Variants in PGM5 observed in about 807,000 individuals in gnomAD.
The protein encoded by PGM5 is phosphoglucomutase 5, also known as phosphoglucomutase-like protein 5.
Under a neutral mutation model 59.2 loss-of-function variants are expected in PGM5, and 23 were observed. The observed-to-expected ratio is 0.39, with a 90% confidence interval of 0.28 to 0.55. PGM5 has a LOEUF of 0.55. Among genes scored for constraint, PGM5 ranks in the 20% least tolerant of loss-of-function variants. The pLI is 0.66. For synonymous variants in PGM5, 214 were observed against 286.0 expected (o/e 0.75, Z 2.54); for missense variants, 574 against 748.3 (o/e 0.77, Z 2.72).
intron 10 of PGM5, among the ~76,000 whole-genome samples, chr9:68,520,004 T>C (rs983046832): frequency 3.3e-5 from 5 of 150,762 alleles, no homozygotes; most frequent in African/African-American, 1.2e-4. Flanking sequence ...GTGAGAGGAT[T>C]GCTCAAGCCT....
chr9:68,502,373 TC>T (rs1554688723), intron 10 of PGM5, among the ~76,000 whole-genome samples: 1 of 152,246 alleles, frequency 6.6e-6, no homozygotes, highest in African/African-American at 2.4e-5. Flanking sequence ...TACAATTGTT[TC>T]CGTTTTCTTT....
chr9:68,503,604 C>G (rs1258539845), intron 10 of PGM5, among the ~76,000 whole-genome samples: 5 of 152,192 alleles, frequency 3.3e-5, no homozygotes, highest in Non-Finnish European at 5.9e-5. Flanking sequence ...AACCAGGAGA[C>G]ATGATTACTC....
intron 6 of PGM5, among the ~76,000 whole-genome samples, chr9:68,458,945 C>A (rs1267170504): frequency 6.6e-6 from 1 of 152,188 alleles, no homozygotes; most frequent in East Asian, 1.9e-4. Flanking sequence ...TCATATAAGC[C>A]TTTTACCATA....
At chr9:68,511,063 G>T (rs1253244151) in intron 10 of PGM5, among the ~76,000 whole-genome samples, 6 of 152,214 alleles carry the variant, frequency 3.9e-5, no homozygotes, top group African/African-American at 1.4e-4. Context: ...TCTCTTATTA[G>T]ACCTCAAAAG....
chr9:68,399,414 T>A (rs1822607302), intron 6 of PGM5: 1 of 152,218 alleles, frequency 6.6e-6, no homozygotes, highest in Non-Finnish European at 1.5e-5. Context: ...CTTGCCTGCT[T>A]CTCCAACCAG....
intron 6 of PGM5, among the ~76,000 whole-genome samples, chr9:68,401,242 G>T (rs1188761974): frequency 4.6e-5 from 7 of 151,686 alleles, no homozygotes; most frequent in Non-Finnish European, 1.0e-4. Context: ...AGCCATCTTG[G>T]GTTTCTGCTA....
At chr9:68,500,027 T>C (rs1824545838) in intron 10 of PGM5, among the ~76,000 whole-genome samples, 1 of 152,174 alleles carries the variant, frequency 6.6e-6, no homozygotes, top group Non-Finnish European at 1.5e-5. Context: ...CACTTTAATG[T>C]TGGGTACTTC....
chr9:68,446,878 C>T (rs1183393776), intron 6 of PGM5, among the ~76,000 whole-genome samples: 1 of 152,186 alleles, frequency 6.6e-6, no homozygotes, highest in Non-Finnish European at 1.5e-5. Context: ...ATCCTCCCAT[C>T]TCCTGATCGG....
At chr9:68,425,950 C>T (rs1419360030) in intron 6 of PGM5, among the ~76,000 whole-genome samples, 3 of 152,132 alleles carry the variant, frequency 2.0e-5, no homozygotes, top group Non-Finnish European at 4.4e-5. Flanking sequence ...AAGAGCGATA[C>T]TTTCTGACTT....
intron 6 of PGM5, chr9:68,395,565 T>A (rs2265169): frequency 1.2e-3 from 190 of 152,260 alleles, no homozygotes; most frequent in Non-Finnish European, 1.9e-3. Flanking sequence ...GAATCTTCCA[T>A]TCCATGAATG....
At chr9:68,414,283 C>A (rs1822984488) in intron 6 of PGM5, among the ~76,000 whole-genome samples, 1 of 152,148 alleles carries the variant, frequency 6.6e-6, no homozygotes, top group Admixed American at 6.6e-5. Flanking sequence ...TCAGGTATTC[C>A]TTTATAGCCA....
At chr9:68,486,033 T>C (rs541220929) in intron 9 of PGM5, among the ~76,000 whole-genome samples, 17 of 152,322 alleles carry the variant, frequency 1.1e-4, no homozygotes, top group South Asian at 6.2e-4. Context: ...GCATCAGCAT[T>C]CAGCCCCAGG....
intron 6 of PGM5, among the ~76,000 whole-genome samples, chr9:68,430,260 G>A (rs1026268898): frequency 1.3e-5 from 2 of 152,204 alleles, no homozygotes; most frequent in Non-Finnish European, 2.9e-5. Context: ...TAGAGTGATT[G>A]TTTCTGTTTT....
chr9:68,383,300 T>C (rs1236466623), intron 2 of PGM5, among the ~76,000 whole-genome samples: 1 of 152,112 alleles, frequency 6.6e-6, no homozygotes, highest in African/African-American at 2.4e-5. Flanking sequence ...ATTAAAAAAG[T>C]GAAAAGAAAC....
At chr9:68,400,906 C>T (rs1349297903) in intron 6 of PGM5, among the ~76,000 whole-genome samples, 9 of 152,180 alleles carry the variant, frequency 5.9e-5, no homozygotes, top group Non-Finnish European at 8.8e-5. Flanking sequence ...TTATTCCTTG[C>T]CCTGGCAAAT....
Position 68,384,504 on chromosome 9 carries a change from A to T in PGM5, c.531A>T (p.Arg177Ser). 1 of 1,610,738 alleles carries T rather than the reference A, an allele frequency of 6.2e-7. No homozygotes were observed. Among genetic ancestry groups the T allele is most frequent in the Non-Finnish European group, 8.5e-7 (1 of 1,177,544 alleles). ...GAATCGACCTATCTCGACTAGGAAGACAAGAATTTGACCTAGAAAACAAAT... is the reference window on the plus strand; with the variant it reads ...GAATCGACCTATCTCGACTAGGAAGTCAAGAATTTGACCTAGAAAACAAAT... ...DLRIDLSRLG[R>S]QEFDLENKFK... Residue 177 changes from arginine to serine, a missense_variant, in exon 3 of 11, where the codon AGA becomes AGT. Arg to Ser is a moderately radical substitution (Grantham distance 110, BLOSUM62 -1). Around this residue, in one of 7 missense-constraint regions of PGM5, gnomAD observed 103 missense variants for 112.4 expected, o/e 0.92. Transcript: ENST00000396396.
At chr9:68,374,117 T>C (rs1821813622) in intron 1 of PGM5, among the ~76,000 whole-genome samples, 1 of 152,284 alleles carries the variant, frequency 6.6e-6, no homozygotes, top group South Asian at 2.1e-4. Context: ...GCTTCCTAAG[T>C]TTTTGTGGAC....
intron 6 of PGM5, among the ~76,000 whole-genome samples, chr9:68,393,239 CT>C (rs1181375425): frequency 1.2e-4 from 18 of 152,038 alleles, no homozygotes; most frequent in African/African-American, 4.3e-4. Flanking sequence ...TATCCCCTAC[CT>C]TGGGTTACCT....
At chr9:68,517,151 T>G (rs1352606392) in intron 10 of PGM5, among the ~76,000 whole-genome samples, 3 of 151,964 alleles carry the variant, frequency 2.0e-5, no homozygotes, top group Non-Finnish European at 4.4e-5. Context: ...ACCAAAATGC[T>G]GGGATTACAG....
Sources: allele counts gnomAD v4.1 joint callset (sites outside exome capture counted in the v4.1 genomes callset), GRCh38; gene constraint gnomAD v4.1.1; regional missense constraint gnomAD v4.1.1; transcripts MANE v1.5; gene names NCBI Gene and HGNC (gene_info 2026-07-23, HGNC 2026-07-21).